OPHN1: variants seen among roughly 807,000 people sequenced by gnomAD.
The protein encoded by OPHN1 is oligophrenin-1.
OPHN1 carries 11 observed loss-of-function variants against 60.7 expected under a neutral mutation model. The observed-to-expected ratio is 0.18, with a 90% confidence interval of 0.11 to 0.30. The LOEUF (loss-of-function observed/expected upper bound fraction) is 0.30, where lower values mean the gene tolerates loss of function less well. OPHN1 is among the 10% of genes least tolerant of loss of function. OPHN1 has a pLI of 1.00. For synonymous variants in OPHN1, 226 were observed against 222.6 expected, an observed-to-expected ratio of 1.02 and a Z score of -0.14; for missense variants, 449 against 611.0, an observed-to-expected ratio of 0.73 and a Z score of 2.80.
intron 15 of OPHN1, among the ~76,000 whole-genome samples, chrX:68,125,490 G>A (rs2077166056): frequency 9.0e-6 from 1 of 111,292 alleles, no homozygotes; most frequent in Non-Finnish European, 1.9e-5. Flanking sequence ...TCAGAGATGA[G>A]AAAGGAGACA....
At chrX:68,431,781 C>T (rs992707388) in intron 2 of OPHN1, among the ~76,000 whole-genome samples, 11 of 111,067 alleles carry the variant, frequency 9.9e-5, no homozygotes, top group Admixed American at 5.8e-4. Context: ...TGACTGCATC[C>T]GCCTAAGAAG....
intron 15 of OPHN1, among the ~76,000 whole-genome samples, chrX:68,183,877 G>GT (rs1295858660): frequency 8.9e-6 from 1 of 112,099 alleles, no homozygotes; most frequent in Non-Finnish European, 1.9e-5. Flanking sequence ...AAGAAAAATT[G>GT]TTTTTTACTC....
At chrX:68,323,809 A>G (rs2078246494) in intron 2 of OPHN1, among the ~76,000 whole-genome samples, 1 of 112,200 alleles carries the variant, frequency 8.9e-6, no homozygotes, top group African/African-American at 3.2e-5. Flanking sequence ...ATGGTTTAAG[A>G]CTTTAAGGAT....
At chrX:68,260,585 T>C (rs2077888339) in intron 5 of OPHN1, among the ~76,000 whole-genome samples, 1 of 111,356 alleles carries the variant, frequency 9.0e-6, no homozygotes, top group Admixed American at 9.6e-5. Flanking sequence ...GGGTCTTGAC[T>C]TCCACATCTG....
intron 5 of OPHN1, among the ~76,000 whole-genome samples, chrX:68,247,888 T>A (rs757986620): frequency 3.6e-5 from 4 of 110,994 alleles, no homozygotes; most frequent in African/African-American, 1.3e-4. Context: ...CATCTCAAAA[T>A]TTTAAAAGAA....
chrX:68,096,256 C>T (rs1487673427), intron 19 of OPHN1, among the ~76,000 whole-genome samples: 1 of 111,630 alleles, frequency 9.0e-6, no homozygotes. Flanking sequence ...ACAAGCCTTG[C>T]TAAGATCCCC....
intron 2 of OPHN1, among the ~76,000 whole-genome samples, chrX:68,409,680 T>C (rs1485106933): frequency 8.9e-6 from 1 of 111,831 alleles, no homozygotes; most frequent in Non-Finnish European, 1.9e-5. Context: ...GGGCTGAAAA[T>C]ACAAATCTTT....
chrX:68,419,093 C>T (rs1051090797), intron 2 of OPHN1, among the ~76,000 whole-genome samples: 2 of 109,138 alleles, frequency 1.8e-5, no homozygotes, highest in Admixed American at 2.0e-4. Flanking sequence ...CTGCAACCTC[C>T]GCCTCCCGGG....
intron 15 of OPHN1, among the ~76,000 whole-genome samples, chrX:68,120,660 C>A (rs1399728539): frequency 2.7e-5 from 3 of 111,612 alleles, no homozygotes; most frequent in African/African-American, 9.8e-5. Context: ...TATGAAATGA[C>A]AAAAGACCCT....
intron 21 of OPHN1, among the ~76,000 whole-genome samples, chrX:68,063,599 C>T (rs1178401125): frequency 4.5e-5 from 5 of 111,265 alleles, no homozygotes; most frequent in Non-Finnish European, 5.7e-5. Flanking sequence ...AGTATATCAG[C>T]AATTAGTACA....
intron 15 of OPHN1, among the ~76,000 whole-genome samples, chrX:68,127,161 G>A (rs1425116631): frequency 9.0e-6 from 1 of 111,201 alleles, no homozygotes; most frequent in African/African-American, 3.3e-5. Flanking sequence ...AGAGTTATTA[G>A]GTTTAGGAAA....
chrX:68,266,701 C>A lies in OPHN1; in HGVS notation c.384+8037G>T, dbSNP rs113189889. ...CAATATTAACCTTAATGTGAATGGG[C>A]TAAATGCTGCAATTAAAAGACACAG... On this transcript the variant is annotated intron_variant, in intron 5 of 24. Coordinates refer to ENST00000355520, the MANE Select transcript of OPHN1 (RefSeq NM_002547.3). Among the ~76,000 whole-genome samples, 240 of 111,423 alleles carry A rather than the reference C, an allele frequency of 2.2e-3. 2 individuals carry two copies. Among genetic ancestry groups the A allele is most frequent in the African/African-American group, 7.6e-3 (234 of 30,635 alleles).
At chrX:68,254,554 C>T (rs1227874419) in intron 5 of OPHN1, among the ~76,000 whole-genome samples, 1 of 111,010 alleles carries the variant, frequency 9.0e-6, no homozygotes, top group African/African-American at 3.3e-5. Context: ...AGTGAGCCCC[C>T]CTCCCAGGCC....
chrX:68,059,710 G>A (rs1434252190), intron 21 of OPHN1, among the ~76,000 whole-genome samples: 2 of 111,489 alleles, frequency 1.8e-5, no homozygotes, highest in Non-Finnish European at 3.8e-5. Flanking sequence ...ACTGAGCAAG[G>A]CCTTACAAGC....
chrX:68,346,417 A>T (rs1180900354), intron 2 of OPHN1, among the ~76,000 whole-genome samples: 1 of 112,073 alleles, frequency 8.9e-6, no homozygotes, highest in East Asian at 2.8e-4. Flanking sequence ...ACAACTGGGA[A>T]ATCCAAGAGA....
intron 19 of OPHN1, among the ~76,000 whole-genome samples, chrX:68,090,836 A>G (rs1602148908): frequency 9.0e-6 from 1 of 111,647 alleles, no homozygotes; most frequent in East Asian, 2.8e-4. Context: ...AAGCAGTAAG[A>G]CTAAAATCCA....
At chrX:68,103,074 C>A (rs1216612165) in intron 18 of OPHN1, among the ~76,000 whole-genome samples, 1 of 111,830 alleles carries the variant, frequency 8.9e-6, no homozygotes, top group African/African-American at 3.3e-5. Context: ...GACACAACAA[C>A]AACAAAAACT....
At chrX:68,111,642 A>G in intron 18 of OPHN1, among the ~76,000 whole-genome samples, 1 of 111,780 alleles carries the variant, frequency 8.9e-6, no homozygotes, top group Middle Eastern at 4.6e-3. Flanking sequence ...CCTTGCTGCT[A>G]CCTTTCAACT....
chrX:68,393,163 A>G (rs1305450868), intron 2 of OPHN1, among the ~76,000 whole-genome samples: 3 of 112,625 alleles, frequency 2.7e-5, no homozygotes, highest in Non-Finnish European at 5.6e-5. Context: ...CAGCGACTGA[A>G]CAGATGAGCC....
Sources: gnomAD v4.1 joint callset for allele counts (sites outside exome capture counted in the v4.1 genomes callset) on GRCh38, gnomAD v4.1.1 for gene constraint, MANE v1.5 for transcripts, NCBI Gene and HGNC (gene_info 2026-07-23, HGNC 2026-07-21) for gene names.